CAPRIN2: variants seen among roughly 807,000 people sequenced by gnomAD.
CAPRIN2 encodes caprin-2.
Under a neutral mutation model 130.4 loss-of-function variants are expected in CAPRIN2, and 66 were observed. The ratio of observed to expected loss-of-function variants is 0.51; its 90% CI spans 0.42 to 0.62. The LOEUF (loss-of-function observed/expected upper bound fraction) is 0.62. Ranked by LOEUF, CAPRIN2 falls within the 20% of genes least tolerant of loss-of-function variation. The probability of loss-of-function intolerance (pLI) is 0.00; values close to 1 mark genes in which losing one functional copy is unlikely to be tolerated. For synonymous variants in CAPRIN2, 471 were observed against 444.1 expected, an observed-to-expected ratio of 1.06 and a Z score of -0.76; for missense variants, 1,185 against 1,246.6, an observed-to-expected ratio of 0.95 and a Z score of 0.74.
intron 4 of CAPRIN2, 79 bp from the exon 6 acceptor site, chr12:30,733,790 A>T (rs1296385518): frequency 1.0e-5 from 9 of 888,632 alleles, no homozygotes; most frequent in Non-Finnish European, 1.7e-5. Flanking sequence ...ATGCAATATA[A>T]CCCATTAACA....
chr12:30,718,827 G>C (rs1357944644), intron 12 of CAPRIN2, among the ~76,000 whole-genome samples: 1 of 152,176 alleles, frequency 6.6e-6, no homozygotes, highest in Non-Finnish European at 1.5e-5. Context: ...TGGATCCTCA[G>C]CTTTGCCTGC....
At chr12:30,720,863 T>A in exon 12 of CAPRIN2, 1 of 1,613,868 alleles carries the variant, frequency 6.2e-7, no homozygotes, top group Non-Finnish European at 8.5e-7. Flanking sequence ...AGAAGCCTGA[T>A]CGGTAGTAAC....
chr12:30,751,440 C>A, intron 1 of CAPRIN2: 1 of 273,414 alleles, frequency 3.7e-6, no homozygotes, highest in Non-Finnish European at 7.2e-6. Flanking sequence ...TCATGTGTCC[C>A]CAACACAGTA....
intron 4 of CAPRIN2, among the ~76,000 whole-genome samples, 199 bp from the exon 6 acceptor site, chr12:30,733,910 T>C (rs370867314): frequency 1.3e-5 from 2 of 152,182 alleles, no homozygotes; most frequent in African/African-American, 4.8e-5. Flanking sequence ...TGTAAGAATT[T>C]TTCCTTAAAA....
intron 2 of CAPRIN2, among the ~76,000 whole-genome samples, chr12:30,749,189 A>C (rs1431504672): frequency 6.6e-6 from 1 of 152,190 alleles, no homozygotes; most frequent in Non-Finnish European, 1.5e-5. Flanking sequence ...GGGATGTCTG[A>C]GGAGCAGCAA....
Position 30,729,338 on chromosome 12 carries a change from A to G in CAPRIN2, c.1105-13T>C. ...GTCTGTTAAGAAACTAGATAGAGAAACAATGCACTTAAGTCACAAAATTCA... is the reference window on the plus strand; with the variant it reads ...GTCTGTTAAGAAACTAGATAGAGAAGCAATGCACTTAAGTCACAAAATTCA... On this transcript the variant is annotated splice_polypyrimidine_tract_variant and intron_variant, in intron 7 of 16. Transcript: ENST00000298892. 2 of 1,528,408 alleles carry G rather than the reference A, an allele frequency of 1.3e-6. No individual in the cohort carries two copies. Among genetic ancestry groups the G allele is most frequent in the Non-Finnish European group, 1.8e-6 (2 of 1,141,518 alleles). 94.7% of individuals were successfully genotyped at this position (1,528,408 alleles called of 1,614,324 possible). A position where few individuals can be genotyped will look rare whatever the true frequency, so the allele number is the denominator to read the frequency against.
At chr12:30,753,460 T>C (rs1342918303) in exon 1 of CAPRIN2, 1 of 1,614,154 alleles carries the variant, frequency 6.2e-7, no homozygotes, top group African/African-American at 1.3e-5. Context: ...TGCAGGGGGC[T>C]CAAGGCCCGC....
chr12:30,727,768 A>G (rs1209799023), intron 8 of CAPRIN2, among the ~76,000 whole-genome samples: 1 of 152,218 alleles, frequency 6.6e-6, no homozygotes, highest in Non-Finnish European at 1.5e-5. Flanking sequence ...TAATGCCAAC[A>G]GTTTTCCTAT....
At chr12:30,739,098 G>A (rs982750811) in intron 3 of CAPRIN2, among the ~76,000 whole-genome samples, 7 of 152,102 alleles carry the variant, frequency 4.6e-5, no homozygotes, top group Non-Finnish European at 1.0e-4. Context: ...AAAGACACAG[G>A]CATGCATATG....
At chr12:30,742,136 A>G (rs2067755923) in intron 2 of CAPRIN2, among the ~76,000 whole-genome samples, 1 of 152,132 alleles carries the variant, frequency 6.6e-6, no homozygotes, top group Non-Finnish European at 1.5e-5. Context: ...GGATGATAGG[A>G]ATACTCTAAA....
chr12:30,739,710 G>A (rs1249549507), intron 3 of CAPRIN2, among the ~76,000 whole-genome samples: 2 of 136,966 alleles, frequency 1.5e-5, no homozygotes, highest in Admixed American at 7.2e-5. Context: ...GCAAGACTCC[G>A]TCTCAAAAAA....
At chr12:30,714,645 T>TA (rs144685342) in intron 14 of CAPRIN2, among the ~76,000 whole-genome samples, 1,685 of 152,264 alleles carry the variant, frequency 0.011, 25 homozygotes, top group African/African-American at 0.039. Context: ...ATCTTGTAAA[T>TA]ATGATACACT....
chr12:30,721,800 T>G (rs1169510853), intron 11 of CAPRIN2, among the ~76,000 whole-genome samples: 1 of 152,236 alleles, frequency 6.6e-6, no homozygotes, highest in Non-Finnish European at 1.5e-5. Context: ...TATGATATGT[T>G]GCTTTTTAGG....
chr12:30,751,753 T>C (rs1592350723), intron 1 of CAPRIN2: 1 of 151,392 alleles, frequency 6.6e-6, no homozygotes, highest in African/African-American at 2.4e-5. Flanking sequence ...GAAACTCCTA[T>C]TGGAAGTACA....
At chr12:30,734,785 G>A (rs527494984) in intron 4 of CAPRIN2, among the ~76,000 whole-genome samples, 183 bp downstream of exon 5, 47 of 150,808 alleles carry the variant, frequency 3.1e-4, no homozygotes, top group Non-Finnish European at 6.0e-4. Flanking sequence ...TCAGACTCTG[G>A]GCCAGCCAAG....
In CAPRIN2 at chr12:30,753,560, C is replaced by G. The variant is rs766570321; in HGVS notation, c.204G>C (p.Gln68His). The change falls in exon 1 of 17, where the codon CAG (glutamine) becomes CAC (histidine). Residue 68 changes from glutamine to histidine, a missense_variant. Gln to His is a conservative substitution (Grantham distance 24). Transcript: ENST00000298892. The stretch of plus-strand genomic sequence containing the variant: ...CCTCCTCTGAATGGCCTGAAGGTGA[C>G]TGGTAACCAAAAGGGGATGAAAAGA... 6.2e-7 allele frequency: 1 copy of G among 1,613,884 alleles called. No homozygotes were observed. Among genetic ancestry groups the G allele is most frequent in the East Asian group, 2.2e-5 (1 of 44,878 alleles).
At chr12:30,745,732 A>T (rs991217922) in intron 2 of CAPRIN2, among the ~76,000 whole-genome samples, 1 of 152,126 alleles carries the variant, frequency 6.6e-6, no homozygotes, top group Non-Finnish European at 1.5e-5. Flanking sequence ...AAGCAGAAAA[A>T]TTTTTAAAAA....
At chr12:30,737,631 T>C (rs937427172) in intron 3 of CAPRIN2, among the ~76,000 whole-genome samples, 18 of 142,794 alleles carry the variant, frequency 1.3e-4, no homozygotes, top group Non-Finnish European at 4.5e-5. Context: ...GTAGTCTCAC[T>C]CTGTCGCCCA....
rs2062618325 is a variant in CAPRIN2, at chr12:30,731,349, C to G, written c.1054G>C (p.Glu352Gln). The G allele has an allele frequency of 1.2e-6, 2 of 1,611,914 alleles. No homozygotes were observed. The highest frequency in any genetic ancestry group is 1.7e-6 in the Non-Finnish European group (2 of 1,178,824). The change falls in exon 6 of 17, where the codon GAG (glutamate) becomes CAG (glutamine). Residue 352 changes from glutamate (E) to glutamine (Q), a missense_variant. By Grantham distance (29) the Glu-to-Gln change is conservative (BLOSUM62 2). This residue lies in a region of CAPRIN2 where 1,104 missense variants were observed against 1,104.3 expected (regional missense o/e 1.00). Transcript: ENST00000298892. Reference sequence around the variant, plus strand: ...TTCAGAGGTCACAACAAACCTGACTCTTTGACAGATTCAGTCTTCGATAAT... The same window carrying G: ...TTCAGAGGTCACAACAAACCTGACTGTTTGACAGATTCAGTCTTCGATAAT...
Sources: allele counts gnomAD v4.1 joint callset (sites outside exome capture counted in the v4.1 genomes callset), GRCh38; gene constraint gnomAD v4.1.1; regional missense constraint gnomAD v4.1.1; transcripts MANE v1.5; gene names NCBI Gene and HGNC (gene_info 2026-07-23, HGNC 2026-07-21).